SSR4: variants seen among roughly 807,000 people sequenced by gnomAD.
SSR4 encodes the protein signal sequence receptor subunit 4, also known as translocon-associated protein subunit delta.
For missense variants in SSR4, 125 were observed against 148.8 expected (o/e 0.84, Z 0.83); for synonymous variants, 84 against 65.6 (o/e 1.28, Z -1.35).
Position 153,798,461 on chromosome X carries a change from T to C in SSR4, c.*28T>C. 1 of 1,140,041 alleles carries C rather than the reference T, an allele frequency of 8.8e-7. No individual in the cohort carries two copies. Among genetic ancestry groups the C allele is most frequent in the South Asian group, 1.9e-5 (1 of 52,237 alleles). The allele number at this position is 1,140,041 out of a possible 1,213,427, so 94.0% of individuals were successfully genotyped here. On this transcript the variant is annotated 3_prime_UTR_variant, in exon 6 of 6. Coordinates refer to ENST00000370086, the MANE Select transcript of SSR4 (RefSeq NM_006280.3). ...GCGGCACCCCAGCCCTGCCCTTGCT[T>C]CCTTCAATAAACATCACAGGACCTG... is the stretch of plus-strand genomic sequence containing the variant.
At chrX:153,794,918 C>T (rs919271834) in intron 1 of SSR4, 164 bp downstream of exon 1, 47 of 577,584 alleles carry the variant, frequency 8.1e-5, no homozygotes, top group Non-Finnish European at 1.1e-4. Flanking sequence ...CAAAGCACCT[C>T]GCGCACGTTT....
chrX:153,794,566 A>T (rs2092126965), upstream of SSR4: 1 of 1,175,378 alleles, frequency 8.5e-7, no homozygotes, highest in South Asian at 1.9e-5. Flanking sequence ...GAGACGTCAC[A>T]ATGCCGGCCC....
At chrX:153,797,853 G>C (rs2092151498) in intron 4 of SSR4, 39 bp downstream of exon 4, 1 of 1,111,104 alleles carries the variant, frequency 9.0e-7, no homozygotes, top group Non-Finnish European at 1.2e-6. Flanking sequence ...CCCTGTCCCT[G>C]GGGAGCAGGA....
intron 1 of SSR4, chrX:153,795,991 C>A (rs2092138254): frequency 6.1e-6 from 2 of 328,219 alleles, no homozygotes; most frequent in Non-Finnish European, 8.1e-6. Flanking sequence ...TTTCTCTCAT[C>A]TTGAAAGCCC....
In SSR4 at chrX:153,798,445, C is replaced by G; in HGVS notation, c.*12C>G. The G allele has an allele frequency of 8.6e-7, 1 of 1,162,439 alleles. No individual in the cohort carries two copies. ...ACATCCAGGCCTGAGGGCGGCACCC[C>G]AGCCCTGCCCTTGCTTCCTTCAATA... On this transcript the variant is annotated 3_prime_UTR_variant, in exon 6 of 6. Coordinates refer to ENST00000370086, the MANE Select transcript of SSR4 (RefSeq NM_006280.3).
chrX:153,795,768 T>A, intron 1 of SSR4: 1 of 754,923 alleles, frequency 1.3e-6, no homozygotes, highest in Non-Finnish European at 1.6e-6. Context: ...CTGAGAACAT[T>A]CCCACTTTGG....
chrX:153,797,414 C>G (rs782778106), intron 2 of SSR4, 44 bp from the exon 3 acceptor site: 1 of 1,134,555 alleles, frequency 8.8e-7, no homozygotes, highest in Non-Finnish European at 1.2e-6. Flanking sequence ...CTGCCCACAC[C>G]CAGAGGGGGC....
chrX:153,794,210 C>T, upstream of SSR4: 2 of 1,156,040 alleles, frequency 1.7e-6, no homozygotes, highest in East Asian at 3.2e-5. Context: ...TCCCCTGCGA[C>T]CGCTGCCGCG....
At chrX:153,795,533 C>T in intron 1 of SSR4, 1 of 273,820 alleles carries the variant, frequency 3.7e-6, no homozygotes, top group South Asian at 1.8e-4. Flanking sequence ...GGGACGTATC[C>T]AGAGGACAAG....
chrX:153,798,350 G>A lies in SSR4; in HGVS notation c.439G>A (p.Val147Met). The change falls in exon 6 of 6, where the codon GTG becomes ATG. Residue 147 changes from valine (V) to methionine (M), a missense_variant. Val to Met is a conservative substitution (Grantham distance 21). Coordinates refer to ENST00000370086, the MANE Select transcript of SSR4 (RefSeq NM_006280.3). ...DHRGTWNGPW[V>M]STEVLAAAIG... Reference sequence around the variant, plus strand: ...TCAGGGCACTTGGAACGGGCCCTGGGTGTCCACTGAGGTGCTGGCTGCGGC... The same window carrying A: ...TCAGGGCACTTGGAACGGGCCCTGGATGTCCACTGAGGTGCTGGCTGCGGC... 8.3e-7 allele frequency: 1 copy of A among 1,207,411 alleles called. No individual in the cohort carries two copies. The highest frequency in any genetic ancestry group is 1.1e-6 in the Non-Finnish European group (1 of 893,245).
chrX:153,796,718 C>T, intron 2 of SSR4, 166 bp downstream of exon 2: 2 of 462,739 alleles, frequency 4.3e-6, no homozygotes, highest in South Asian at 3.1e-5. Context: ...GACAGGTCAC[C>T]TTCCTCACCT....
At position 153,794,696 on chromosome X, in the gene SSR4, G is replaced by C. The variant is rs782111229; in HGVS notation, c.9G>C (p.Ala3=). Reference sequence around the variant, plus strand: ...TAGGCAGAGAAGAGGCGATGGCGGCGATGGCATCTCTCGGCGCCCTGGCGC... The same window carrying C: ...TAGGCAGAGAAGAGGCGATGGCGGCCATGGCATCTCTCGGCGCCCTGGCGC... MA[A]MASLGALALL... Residue 3 remains alanine, a synonymous_variant, in exon 1 of 6, where the codon GCG becomes GCC. Transcript: ENST00000370086. The C allele has an allele frequency of 8.2e-7, 1 of 1,212,358 alleles. No individual in the cohort carries two copies. The highest frequency in any genetic ancestry group is 1.1e-6 in the Non-Finnish European group (1 of 895,547).
chrX:153,798,409 T>C lies in SSR4; in HGVS notation c.498T>C (p.Ser166=). The part of the protein sequence containing the change: ...IGLVIYYLAF[S]AKSHIQA ...TTGTGATCTACTACTTGGCCTTCAG[T>C]GCGAAGAGCCACATCCAGGCCTGAG... is the stretch of plus-strand genomic sequence containing the variant. The change falls in exon 6 of 6, where the codon AGT becomes AGC. Residue 166 remains serine (S), a synonymous_variant. Transcript: ENST00000370086. The C allele has an allele frequency of 1.7e-6, 2 of 1,193,661 alleles. No homozygotes were observed. Among genetic ancestry groups the C allele is most frequent in the Admixed American group, 2.3e-5 (1 of 43,777 alleles).
At chrX:153,798,015 AC>A (rs1449944438) in intron 4 of SSR4, 55 bp from the exon 5 acceptor site, 1 of 252,946 alleles carries the variant, frequency 4.0e-6, no homozygotes, top group African/African-American at 6.3e-5. Context: ...TCCCCTCCCC[AC>A]CCCCACACGC....
chrX:153,796,183 G>A (rs782578920), intron 1 of SSR4: 15 of 376,947 alleles, frequency 4.0e-5, no homozygotes, highest in Non-Finnish European at 5.6e-5. Context: ...TCCCCAGTTC[G>A]CTCTTCCTGC....
chrX:153,798,058 A>C lies in SSR4; in HGVS notation c.352-13A>C, dbSNP rs199582237. 1 of 1,112,687 alleles carries C rather than the reference A, an allele frequency of 9.0e-7. No individual in the cohort carries two copies. Among genetic ancestry groups the C allele is most frequent in the Admixed American group, 2.6e-5 (1 of 38,502 alleles). 91.7% of individuals were successfully genotyped at this position (1,112,687 alleles called of 1,213,427 possible). ...CCCCTGACCCCAGCACCTCCCTTGCACCTCCCTTGCAGGCTCAGAGGAATA... is the reference window on the plus strand; with the variant it reads ...CCCCTGACCCCAGCACCTCCCTTGCCCCTCCCTTGCAGGCTCAGAGGAATA... On this transcript the variant is annotated splice_polypyrimidine_tract_variant and intron_variant, in intron 4 of 5. Coordinates refer to ENST00000370086, the MANE Select transcript of SSR4 (RefSeq NM_006280.3).
At chrX:153,797,906 T>C in intron 4 of SSR4, 92 bp downstream of exon 4, 1 of 877,894 alleles carries the variant, frequency 1.1e-6, no homozygotes, top group Non-Finnish European at 1.6e-6. Context: ...CTGAGCTGGG[T>C]GGCCTTTCTG....
chrX:153,797,372 T>C (rs1603258177), intron 2 of SSR4, 86 bp from the exon 3 acceptor site: 1 of 881,262 alleles, frequency 1.1e-6, no homozygotes, highest in East Asian at 3.1e-5. Context: ...CCTGCCCACC[T>C]GCAGGCCGTG....
At chrX:153,798,274 G>A in intron 5 of SSR4, 55 bp from the exon 6 acceptor site, 1 of 1,187,988 alleles carries the variant, frequency 8.4e-7, no homozygotes, top group South Asian at 1.8e-5. Context: ...ACCAGGGCTG[G>A]CTGGTCTGCT....
Sources: gnomAD v4.1 joint callset for allele counts on GRCh38, gnomAD v4.1.1 for gene constraint, MANE v1.5 for transcripts, NCBI Gene and HGNC (gene_info 2026-07-23, HGNC 2026-07-21) for gene names.